The following FHIT variants were observed in gnomAD, a reference collection of about 807,000 sequenced individuals.
FHIT encodes the protein fragile histidine triad diadenosine triphosphatase.
FHIT carries 19 observed loss-of-function variants against 17.9 expected under a neutral mutation model. That is an observed-to-expected ratio of 1.06 (90% confidence interval 0.74 to 1.56). The LOEUF is 1.56. Among genes scored for constraint, FHIT ranks in the 40% most tolerant of loss-of-function variants. FHIT has a pLI of 0.00. For missense variants in FHIT, 248 were observed against 189.2 expected (o/e 1.31, Z -1.82); for synonymous variants, 81 against 69.7 (o/e 1.16, Z -0.81).
chr3:60,206,145 A>T lies in FHIT; in HGVS notation c.104-191993T>A, dbSNP rs369600569. Among the ~76,000 whole-genome samples, 493 of 135,986 alleles carry T rather than the reference A, an allele frequency of 3.6e-3. 2 individuals carry two copies. Among genetic ancestry groups the T allele is most frequent in the Middle Eastern group, 7.7e-3 (2 of 260 alleles). 89.2% of individuals were successfully genotyped at this position (135,986 alleles called of 152,430 possible). ...GAGACTCCGTCTCAAAAAAAAAAAA[A>T]AATAAATAATAATAATAATAATAAT... is the stretch of plus-strand genomic sequence containing the variant. On this transcript the variant is annotated intron_variant, in intron 5 of 9. Transcript: ENST00000492590.
chr3:60,645,360 T>G (rs1004460164), intron 4 of FHIT, among the ~76,000 whole-genome samples: 5 of 152,128 alleles, frequency 3.3e-5, no homozygotes, highest in Non-Finnish European at 7.4e-5. Context: ...GAGTCTCAAA[T>G]GCATGGGCCC....
At chr3:60,546,905 CTT>C (rs1249384424) in intron 4 of FHIT, among the ~76,000 whole-genome samples, 3 of 152,164 alleles carry the variant, frequency 2.0e-5, no homozygotes, top group East Asian at 3.9e-4. Context: ...AAGTCTACCT[CTT>C]TTTTAATTGT....
intron 3 of FHIT, among the ~76,000 whole-genome samples, chr3:61,033,916 A>G (rs993913310): frequency 2.6e-5 from 4 of 152,182 alleles, no homozygotes; most frequent in African/African-American, 9.7e-5. Flanking sequence ...CATTCTTTCT[A>G]CTATAGCAAG....
chr3:60,010,876 C>T (rs544750578), intron 7 of FHIT, among the ~76,000 whole-genome samples: 4 of 152,064 alleles, frequency 2.6e-5, no homozygotes, highest in East Asian at 1.9e-4. Context: ...GTGGGGGTGA[C>T]GAGAAGGAGA....
intron 3 of FHIT, among the ~76,000 whole-genome samples, chr3:60,842,076 G>A (rs1191296562): frequency 6.6e-6 from 1 of 152,162 alleles, no homozygotes; most frequent in Non-Finnish European, 1.5e-5. Context: ...CATCAAGCAT[G>A]TTAGGACATC....
chr3:60,109,218 T>G (rs1272399098), intron 5 of FHIT, among the ~76,000 whole-genome samples: 1 of 152,108 alleles, frequency 6.6e-6, no homozygotes. Flanking sequence ...TCTCATATAT[T>G]AAAATGGGCC....
At chr3:60,108,174 A>T (rs530736743) in intron 5 of FHIT, among the ~76,000 whole-genome samples, 1 of 152,294 alleles carries the variant, frequency 6.6e-6, no homozygotes, top group East Asian at 1.9e-4. Flanking sequence ...AGCTAATTCA[A>T]TGTGTCCACT....
chr3:60,521,316 C>T (rs868420752), intron 5 of FHIT, among the ~76,000 whole-genome samples: 18 of 152,112 alleles, frequency 1.2e-4, no homozygotes, highest in Admixed American at 3.9e-4. Context: ...GGCATGATCT[C>T]GGCTCACTGC....
intron 4 of FHIT, among the ~76,000 whole-genome samples, chr3:60,559,656 A>G (rs180995): frequency 1.3e-5 from 2 of 151,816 alleles, no homozygotes; most frequent in African/African-American, 2.4e-5. Context: ...GCTAATATCC[A>G]TTTCACTTTT....
At chr3:61,207,325 T>A (rs1005388844) in intron 1 of FHIT, among the ~76,000 whole-genome samples, 1 of 152,226 alleles carries the variant, frequency 6.6e-6, no homozygotes. Context: ...AGGATGATGC[T>A]GGCCTCATAA....
intron 2 of FHIT, among the ~76,000 whole-genome samples, chr3:61,152,213 A>G (rs369184759): frequency 1.3e-5 from 2 of 152,210 alleles, no homozygotes; most frequent in East Asian, 3.9e-4. Flanking sequence ...GTGAAGGGAA[A>G]GTAGATCAGG....
chr3:61,060,355 A>T (rs1163897200), intron 2 of FHIT, among the ~76,000 whole-genome samples: 2 of 152,290 alleles, frequency 1.3e-5, no homozygotes, highest in Admixed American at 1.3e-4. Context: ...CAATGACATT[A>T]AGTAAGGACT....
intron 8 of FHIT, among the ~76,000 whole-genome samples, chr3:59,759,191 T>G (rs879762050): frequency 1.0e-4 from 15 of 150,690 alleles, no homozygotes; most frequent in Non-Finnish European, 1.9e-4. Context: ...GCTGGAAGAG[T>G]GAGAGAGAGG....
At chr3:59,991,849 C>T (rs1370656752) in intron 7 of FHIT, among the ~76,000 whole-genome samples, 1 of 151,994 alleles carries the variant, frequency 6.6e-6, no homozygotes, top group Non-Finnish European at 1.5e-5. Flanking sequence ...AAGAGAAACA[C>T]AGAGGGAGAG....
At chr3:60,050,434 T>C (rs17061940) in intron 5 of FHIT, among the ~76,000 whole-genome samples, 2,313 of 152,288 alleles carry the variant, frequency 0.015, 105 homozygotes, top group Admixed American at 0.097. Context: ...TGAAGCCCTA[T>C]AGCACTTAGA....
intron 5 of FHIT, among the ~76,000 whole-genome samples, chr3:60,406,648 G>A (rs906407072): frequency 6.9e-6 from 1 of 144,390 alleles, no homozygotes. Flanking sequence ...AGATTTTGTG[G>A]AGAAGCCAAA....
chr3:60,249,676 G>A (rs1705586736), intron 5 of FHIT, among the ~76,000 whole-genome samples: 1 of 85,616 alleles, frequency 1.2e-5, no homozygotes, highest in Non-Finnish European at 2.2e-5. Context: ...CAATATCAAG[G>A]AAATACAGCC....
chr3:61,014,969 T>C (rs2032026668), intron 3 of FHIT, among the ~76,000 whole-genome samples: 1 of 151,110 alleles, frequency 6.6e-6, no homozygotes, highest in African/African-American at 2.4e-5. Context: ...TTTTCTCTCA[T>C]CTTGAAGTGT....
intron 2 of FHIT, among the ~76,000 whole-genome samples, chr3:61,173,298 A>T (rs2038062808): frequency 6.6e-6 from 1 of 152,070 alleles, no homozygotes; most frequent in South Asian, 2.1e-4. Flanking sequence ...TTTTTAAAAA[A>T]CTCAAACAGC....
Sources: gnomAD v4.1 joint callset for allele counts (sites outside exome capture counted in the v4.1 genomes callset) on GRCh38, gnomAD v4.1.1 for gene constraint, MANE v1.5 for transcripts, NCBI Gene and HGNC (gene_info 2026-07-23, HGNC 2026-07-21) for gene names.